PTPRN2: variants seen among roughly 807,000 people sequenced by gnomAD.
PTPRN2 encodes the protein protein tyrosine phosphatase receptor type N2, also known as receptor-type tyrosine-protein phosphatase N2.
In PTPRN2, 74 loss-of-function variants were observed where a neutral mutation model predicts 118.8. That is an observed-to-expected ratio of 0.62 (90% CI 0.52 to 0.76). The LOEUF (loss-of-function observed/expected upper bound fraction) is 0.76, where lower values mean the gene tolerates loss of function less well. Ranked by LOEUF, PTPRN2 falls within the 30% of genes least tolerant of loss-of-function variation. The pLI, the probability that PTPRN2 is intolerant of heterozygous loss-of-function variation, is 0.00. For missense variants in PTPRN2, 1,481 were observed against 1,394.4 expected (o/e 1.06, Z -0.99); for synonymous variants, 641 against 608.0 (o/e 1.05, Z -0.80).
chr7:158,101,559 C>T (rs1257607889), intron 10 of PTPRN2, among the ~76,000 whole-genome samples: 3 of 152,184 alleles, frequency 2.0e-5, no homozygotes, highest in Non-Finnish European at 4.4e-5. Context: ...GCAAAAGAAA[C>T]AATCAGCAGA....
chr7:157,576,574 T>C (rs1269267825), intron 19 of PTPRN2, 39 bp downstream of exon 19: 4 of 1,565,730 alleles, frequency 2.6e-6, no homozygotes, highest in South Asian at 1.2e-5. Flanking sequence ...TGCCGCGCGC[T>C]CAGCGCGCAC....
intron 12 of PTPRN2, among the ~76,000 whole-genome samples, chr7:157,786,013 A>C (rs935673462): frequency 6.6e-6 from 1 of 152,140 alleles, no homozygotes; most frequent in Non-Finnish European, 1.5e-5. Flanking sequence ...GGTCCCGTGC[A>C]AGTGCCAGGC....
At chr7:157,884,842 A>G (rs1219972866) in intron 12 of PTPRN2, among the ~76,000 whole-genome samples, 4 of 152,184 alleles carry the variant, frequency 2.6e-5, no homozygotes, top group African/African-American at 9.7e-5. Flanking sequence ...TGACAATTCA[A>G]GATGAGATTT....
chr7:158,343,683 C>G (rs1807255696), intron 2 of PTPRN2, among the ~76,000 whole-genome samples: 1 of 151,732 alleles, frequency 6.6e-6, no homozygotes, highest in Non-Finnish European at 1.5e-5. Flanking sequence ...GCAAGCAGAG[C>G]TCGCGCAGAG....
At chr7:158,098,473 C>T (rs548431930) in intron 10 of PTPRN2, among the ~76,000 whole-genome samples, 2 of 152,330 alleles carry the variant, frequency 1.3e-5, no homozygotes, top group South Asian at 2.1e-4. Flanking sequence ...CAAAGCCCAG[C>T]CCTGCTCCCG....
chr7:157,951,782 C>T (rs1288411194), intron 11 of PTPRN2, among the ~76,000 whole-genome samples: 1 of 152,242 alleles, frequency 6.6e-6, no homozygotes, highest in Non-Finnish European at 1.5e-5. Context: ...GACCATGGCC[C>T]TGCTCCATCT....
rs1804161268 is a variant in PTPRN2 at position 157,787,749 on chromosome 7, G to A, written c.1789-104812C>T. Among the ~76,000 whole-genome samples, 1 of 152,164 alleles carries A rather than the reference G, an allele frequency of 6.6e-6. No individual in the cohort carries two copies. The highest frequency in any genetic ancestry group is 1.5e-5 in the Non-Finnish European group (1 of 68,000). ...CTGGGGTGGTGGCTGGGTGAGCCCA[G>A]CCCCATCTTTCCCTCGGACTTCATT... On this transcript the variant is annotated intron_variant, in intron 12 of 22. Coordinates refer to ENST00000389418, the MANE Select transcript of PTPRN2 (RefSeq NM_002847.5). The surrounding 1 kb of genome is among the most constrained non-coding windows in gnomAD (Gnocchi z 5.3).
chr7:158,185,124 T>G (rs193030283), intron 5 of PTPRN2, among the ~76,000 whole-genome samples: 93 of 152,320 alleles, frequency 6.1e-4, no homozygotes, highest in Non-Finnish European at 1.2e-3. Flanking sequence ...TTTTTATATA[T>G]TGTTGAATTT....
chr7:158,060,276 A>C (rs35811202), intron 11 of PTPRN2, among the ~76,000 whole-genome samples: 2 of 126,246 alleles, frequency 1.6e-5, no homozygotes, highest in African/African-American at 4.0e-5. Context: ...CTCCATCTGC[A>C]CACAGTGACA....
intron 12 of PTPRN2, among the ~76,000 whole-genome samples, chr7:157,772,802 C>A (rs1802964312): frequency 6.6e-6 from 1 of 152,264 alleles, no homozygotes; most frequent in South Asian, 2.1e-4. Context: ...GCTTTTGCAT[C>A]TTCTTTCTTC....
intron 10 of PTPRN2, among the ~76,000 whole-genome samples, chr7:158,109,863 C>T (rs1391071695): frequency 2.0e-5 from 3 of 151,350 alleles, no homozygotes; most frequent in Admixed American, 2.0e-4. Flanking sequence ...GACGTCACCC[C>T]TATGTGAAGG....
chr7:158,527,546 G>T (rs1264894157), intron 1 of PTPRN2, among the ~76,000 whole-genome samples: 3 of 151,512 alleles, frequency 2.0e-5, no homozygotes, highest in Non-Finnish European at 4.4e-5. Flanking sequence ...CGTGGAGTTG[G>T]GATTGTGTTT....
chr7:158,543,821 G>A (rs1465660999), intron 1 of PTPRN2, among the ~76,000 whole-genome samples: 1 of 152,238 alleles, frequency 6.6e-6, no homozygotes, highest in East Asian at 1.9e-4. Context: ...ACTGAGACCG[G>A]ATCTTGTCTG....
chr7:158,455,258 G>A (rs1452501215), intron 2 of PTPRN2, among the ~76,000 whole-genome samples: 2 of 135,966 alleles, frequency 1.5e-5, no homozygotes, highest in African/African-American at 2.8e-5. Flanking sequence ...CGGCACGGAC[G>A]CCATCGGCCA....
At chr7:158,087,523 T>C (rs1563415611) in intron 10 of PTPRN2, among the ~76,000 whole-genome samples, 1 of 152,200 alleles carries the variant, frequency 6.6e-6, no homozygotes, top group Non-Finnish European at 1.5e-5. Flanking sequence ...GTGACTCCTA[T>C]TTAGGGTGGA....
rs1348177472 is a variant in PTPRN2 at position 157,632,335 on chromosome 7, C to T, written c.2197-10826G>A. ...GGTGATCCTCGATTTCAGTTTATGA[C>T]TTCCACTAAACTTCTGTTACACATT... On this transcript the variant is annotated intron_variant, in intron 14 of 22. Coordinates refer to ENST00000389418, the MANE Select transcript of PTPRN2 (RefSeq NM_002847.5). The surrounding 1 kb of genome is among the most constrained non-coding windows in gnomAD (Gnocchi z 4.3). 6.6e-6 allele frequency among the ~76,000 whole-genome samples: 1 copy of T among 152,182 alleles called. No homozygotes were observed. Among genetic ancestry groups the T allele is most frequent in the African/African-American group, 2.4e-5 (1 of 41,440 alleles).
At chr7:158,058,131 T>C (rs1265335485) in intron 11 of PTPRN2, among the ~76,000 whole-genome samples, 2 of 152,354 alleles carry the variant, frequency 1.3e-5, no homozygotes, top group South Asian at 2.1e-4. Flanking sequence ...ACACTCCATC[T>C]GCGCACGGTG....
At position 157,779,393 on chromosome 7, in the gene PTPRN2, C is replaced by T. The variant is rs1803538921; in HGVS notation, c.1789-96456G>A. On this transcript the variant is annotated intron_variant, in intron 12 of 22. Coordinates refer to ENST00000389418, the MANE Select transcript of PTPRN2 (RefSeq NM_002847.5). The surrounding 1 kb of genome is among the most constrained non-coding windows in gnomAD (Gnocchi z 4.7). ...TTGCTTCTCATCTGACCAAAGAAGACCGTGTTTCCTGGGACCCTGCAGGCT... is the reference window on the plus strand; with the variant it reads ...TTGCTTCTCATCTGACCAAAGAAGATCGTGTTTCCTGGGACCCTGCAGGCT... 6.6e-6 allele frequency among the ~76,000 whole-genome samples: 1 copy of T among 152,176 alleles called. No individual in the cohort carries two copies. The highest frequency in any genetic ancestry group is 1.5e-5 in the Non-Finnish European group (1 of 68,028).
chr7:158,234,938 A>G (rs1177796274), intron 3 of PTPRN2, among the ~76,000 whole-genome samples: 1 of 151,818 alleles, frequency 6.6e-6, no homozygotes, highest in Non-Finnish European at 1.5e-5. Flanking sequence ...AATTTTTTGT[A>G]TTTTTAGTAG....
Sources: gnomAD v4.1 joint callset for allele counts (sites outside exome capture counted in the v4.1 genomes callset) on GRCh38, gnomAD v4.1.1 for gene constraint, Gnocchi (gnomAD v3.1) non-coding constraint, MANE v1.5 for transcripts, NCBI Gene and HGNC (gene_info 2026-07-23, HGNC 2026-07-21) for gene names.